The following RNLS variants were observed in gnomAD, a reference collection of about 807,000 sequenced individuals.
The protein encoded by RNLS is renalase.
RNLS carries 39 observed loss-of-function variants against 39.8 expected under a neutral mutation model. The ratio of observed to expected loss-of-function variants is 0.98; its 90% CI spans 0.76 to 1.28. The LOEUF (loss-of-function observed/expected upper bound fraction) is 1.28, where lower values mean the gene tolerates loss of function less well. RNLS is among the 50% of genes most tolerant of loss of function. The pLI is 0.00. For missense variants in RNLS, 410 were observed against 413.3 expected, an observed-to-expected ratio of 0.99 and a Z score of 0.07; for synonymous variants, 147 against 150.7, an observed-to-expected ratio of 0.98 and a Z score of 0.18.
intron 4 of RNLS, among the ~76,000 whole-genome samples, chr10:88,394,959 C>T (rs545886209): frequency 1.1e-4 from 16 of 151,800 alleles, no homozygotes; most frequent in African/African-American, 1.7e-4. Context: ...AACCAAACAC[C>T]GCATGTTCTC....
chr10:88,187,299 T>A, the RNLS span, among the ~76,000 whole-genome samples: 1 of 150,786 alleles, frequency 6.6e-6, no homozygotes, highest in East Asian at 1.9e-4. Context: ...TCTACATTTG[T>A]GTTGGCATTG....
intron 5 of RNLS, among the ~76,000 whole-genome samples, chr10:88,319,980 A>C (rs1397554502): frequency 6.6e-6 from 1 of 152,096 alleles, no homozygotes; most frequent in African/African-American, 2.4e-5. Context: ...ACCAAGGCCT[A>C]TAATTATCAG....
intron 5 of RNLS, among the ~76,000 whole-genome samples, chr10:88,341,406 T>C (rs1846847286): frequency 6.8e-6 from 1 of 148,046 alleles, no homozygotes; most frequent in Non-Finnish European, 1.5e-5. Context: ...CCTAGAACAA[T>C]GCCTAGCCCA....
intron 4 of RNLS, among the ~76,000 whole-genome samples, chr10:88,503,498 G>T (rs1210087267): frequency 6.6e-6 from 1 of 152,008 alleles, no homozygotes; most frequent in East Asian, 1.9e-4. Context: ...TTTTAATATT[G>T]AATATAATTA....
chr10:88,469,890 C>T (rs917146879), intron 4 of RNLS, among the ~76,000 whole-genome samples: 1 of 146,660 alleles, frequency 6.8e-6, no homozygotes, highest in African/African-American at 2.5e-5. Context: ...ATTTCTTACA[C>T]CTAAAGTTAT....
chr10:88,221,559 T>C, the RNLS span, among the ~76,000 whole-genome samples: 1 of 152,218 alleles, frequency 6.6e-6, no homozygotes, highest in South Asian at 2.1e-4. Flanking sequence ...ACAAATACTG[T>C]ACTAAGCATA....
chr10:88,235,281 A>AG, the RNLS span, among the ~76,000 whole-genome samples: 2 of 151,060 alleles, frequency 1.3e-5, no homozygotes, highest in Non-Finnish European at 3.0e-5. Flanking sequence ...AAAAAAAAAA[A>AG]AAAAAAAAAA....
At chr10:88,473,583 C>A (rs1407306503) in intron 4 of RNLS, among the ~76,000 whole-genome samples, 2 of 152,164 alleles carry the variant, frequency 1.3e-5, no homozygotes, top group Non-Finnish European at 2.9e-5. Flanking sequence ...ATGACAAGGT[C>A]TTTGCCTAGT....
chr10:88,419,737 G>A (rs1854272582), intron 4 of RNLS, among the ~76,000 whole-genome samples: 1 of 152,120 alleles, frequency 6.6e-6, no homozygotes, highest in African/African-American at 2.4e-5. Flanking sequence ...GGGGGCGGTG[G>A]CTCACGCCTG....
chr10:88,245,138 T>A, the RNLS span, among the ~76,000 whole-genome samples: 1 of 152,252 alleles, frequency 6.6e-6, no homozygotes, highest in African/African-American at 2.4e-5. Flanking sequence ...TTATCTGGCA[T>A]CAGCTCGAAG....
At chr10:88,483,381 G>T (rs1844316958) in intron 4 of RNLS, among the ~76,000 whole-genome samples, 1 of 152,014 alleles carries the variant, frequency 6.6e-6, no homozygotes, top group Non-Finnish European at 1.5e-5. Flanking sequence ...CCAGGCCTTA[G>T]CACACAGTAG....
intron 4 of RNLS, among the ~76,000 whole-genome samples, chr10:88,476,213 T>C (rs1468283816): frequency 6.6e-5 from 10 of 152,176 alleles, no homozygotes; most frequent in Admixed American, 6.6e-4. Context: ...AGAAACAGGA[T>C]TTACATTTTG....
chr10:88,212,288 A>AT, the RNLS span, among the ~76,000 whole-genome samples: 5 of 152,064 alleles, frequency 3.3e-5, no homozygotes, highest in African/African-American at 1.2e-4. Context: ...TTGATACATC[A>AT]TTTTTTCCCC....
the RNLS span, among the ~76,000 whole-genome samples, chr10:88,218,411 G>A: frequency 6.6e-6 from 1 of 152,230 alleles, no homozygotes; most frequent in Non-Finnish European, 1.5e-5. Context: ...CGGGGATGTG[G>A]GCTGCAGATG....
chr10:88,201,585 C>G, the RNLS span, among the ~76,000 whole-genome samples: 1 of 152,046 alleles, frequency 6.6e-6, no homozygotes, highest in Non-Finnish European at 1.5e-5. Flanking sequence ...CATCCAGAAT[C>G]TCAGAAATGG....
chr10:88,482,547 G>A (rs1844251000), intron 4 of RNLS, among the ~76,000 whole-genome samples: 1 of 151,866 alleles, frequency 6.6e-6, no homozygotes, highest in Admixed American at 6.6e-5. Flanking sequence ...TACTTGTTGA[G>A]TCACGTTGTC....
intron 4 of RNLS, among the ~76,000 whole-genome samples, chr10:88,423,931 G>A (rs1043384992): frequency 6.6e-6 from 1 of 152,182 alleles, no homozygotes; most frequent in Non-Finnish European, 1.5e-5. Flanking sequence ...CAGGCATCTG[G>A]GCTTTGAATC....
At chr10:88,437,942 C>G (rs1238849573) in intron 4 of RNLS, among the ~76,000 whole-genome samples, 1 of 152,004 alleles carries the variant, frequency 6.6e-6, no homozygotes, top group Middle Eastern at 3.2e-3. Context: ...GCCTGACCAG[C>G]ATGGAGAAAC....
chr10:88,232,798 C>T, the RNLS span, among the ~76,000 whole-genome samples: 2 of 152,328 alleles, frequency 1.3e-5, no homozygotes, highest in South Asian at 4.1e-4. Context: ...CTTCTAGAGT[C>T]TCTTGCCTGC....
Sources: allele counts gnomAD v4.1 joint callset (sites outside exome capture counted in the v4.1 genomes callset), GRCh38; gene constraint gnomAD v4.1.1; transcripts MANE v1.5; gene names NCBI Gene and HGNC (gene_info 2026-07-23, HGNC 2026-07-21).